The following LRRC34 variants were observed in gnomAD, a reference collection of about 807,000 sequenced individuals.
LRRC34 encodes leucine rich repeat containing 34.
In LRRC34, 44 loss-of-function variants were observed where a neutral mutation model predicts 48.5. The ratio of observed to expected loss-of-function variants is 0.91; its 90% CI spans 0.71 to 1.17. The LOEUF (loss-of-function observed/expected upper bound fraction) is 1.17, where lower values mean the gene tolerates loss of function less well. Among genes scored for constraint, LRRC34 ranks in the 50% most tolerant of loss-of-function variants. The pLI, the probability that LRRC34 is intolerant of heterozygous loss-of-function variation, is 0.00. For synonymous variants in LRRC34, 192 were observed against 197.6 expected, an observed-to-expected ratio of 0.97 and a Z score of 0.24; for missense variants, 502 against 563.0, an observed-to-expected ratio of 0.89 and a Z score of 1.10.
intron 9 of LRRC34, chr3:169,795,975 A>T: frequency 8.2e-7 from 1 of 1,217,730 alleles, no homozygotes; most frequent in Non-Finnish European, 1.0e-6. Flanking sequence ...CAGGATAAGT[A>T]ATATAAGCAA....
intron 1 of LRRC34, among the ~76,000 whole-genome samples, chr3:169,809,202 T>TTA: frequency 7.0e-6 from 1 of 142,878 alleles, no homozygotes; most frequent in East Asian, 1.9e-4. Context: ...AAGGTTTCTT[T>TTA]TTTTTTTTTT....
chr3:169,795,682 A>G, intron 9 of LRRC34, 71 bp from the exon 10 acceptor site: 1 of 1,543,164 alleles, frequency 6.5e-7, no homozygotes, highest in South Asian at 1.2e-5. Flanking sequence ...TTTCTTGTGT[A>G]GTCTTAGCAT....
chr3:169,796,896 C>G lies in LRRC34; in HGVS notation c.757G>C (p.Glu253Gln), dbSNP rs757111685. ...ATGCGGCCTACATGGACTGTAGACTCTTCCTAAAAGTGGATAAAATCTTAT... is the reference window on the plus strand; with the variant it reads ...ATGCGGCCTACATGGACTGTAGACTGTTCCTAAAAGTGGATAAAATCTTAT... ...NRPILYSEQE[E>Q]STVHVGRMLK... The change falls in exon 8 of 11, where the codon GAG becomes CAG. Residue 253 changes from glutamate (E) to glutamine (Q), a missense_variant. Transcript: ENST00000446859. 2 of 1,555,234 alleles carry G rather than the reference C, an allele frequency of 1.3e-6. No homozygotes were observed. Among genetic ancestry groups the G allele is most frequent in the African/African-American group, 2.8e-5 (2 of 72,652 alleles).
In LRRC34 at chr3:169,812,424, A is replaced by G. The variant is rs1006254571; in HGVS notation, c.125T>C (p.Leu42Pro). 8 of 1,528,900 alleles carry G rather than the reference A, an allele frequency of 5.2e-6. No homozygotes were observed. Among genetic ancestry groups the G allele is most frequent in the Non-Finnish European group, 7.0e-6 (8 of 1,144,644 alleles). 94.7% of individuals were successfully genotyped at this position (1,528,900 alleles called of 1,614,324 possible). The change falls in exon 1 of 11, where the codon CTG becomes CCG. Residue 42 changes from leucine (L) to proline (P), a missense_variant. Physicochemically the swap from Leu to Pro is moderately conservative, Grantham distance 98. Coordinates refer to ENST00000446859, the MANE Select transcript of LRRC34 (RefSeq NM_001172779.2). This position sits in a 1 kb window ranked among gnomAD's most constrained non-coding sequence, Gnocchi z 4.3. ...STQASTPGAA[L>P]AVQRESPESG... is the part of the protein sequence containing the mutation. ...CTACTTCTTACCGCGCTGGACCGCC[A>G]GGGCCGCGCCCGGAGTACTGGCCTG...
intron 1 of LRRC34, among the ~76,000 whole-genome samples, chr3:169,809,213 T>C (rs1779481002): frequency 1.3e-5 from 2 of 151,174 alleles, no homozygotes; most frequent in South Asian, 4.2e-4. Flanking sequence ...TTTTTTTTTT[T>C]TTTTTTCAAC....
intron 2 of LRRC34, among the ~76,000 whole-genome samples, 190 bp downstream of exon 2, chr3:169,808,438 T>A (rs562702150): frequency 3.9e-5 from 6 of 152,216 alleles, no homozygotes; most frequent in Admixed American, 3.3e-4. Context: ...TAGTGCTCTT[T>A]CCTGAATACT....
At chr3:169,806,709 ATAAAT>A (rs947634660) in intron 5 of LRRC34, 134 bp downstream of exon 5, 50 of 562,004 alleles carry the variant, frequency 8.9e-5, no homozygotes, top group African/African-American at 7.8e-4. Context: ...CTACACTTGA[ATAAAT>A]TAAAGTATAA....
intron 7 of LRRC34, among the ~76,000 whole-genome samples, chr3:169,798,019 G>A (rs1411024514): frequency 6.6e-6 from 1 of 152,172 alleles, no homozygotes; most frequent in Non-Finnish European, 1.5e-5. Flanking sequence ...CTTTGACACT[G>A]AAAAGATACA....
intron 5 of LRRC34, among the ~76,000 whole-genome samples, chr3:169,804,511 G>A (rs563246411): frequency 1.3e-5 from 2 of 152,202 alleles, no homozygotes; most frequent in Non-Finnish European, 2.9e-5. Context: ...TGTTAGCCAG[G>A]ATGGTCTCGA....
intron 9 of LRRC34, chr3:169,795,916 TTTAA>T (rs1270958610): frequency 4.4e-6 from 5 of 1,140,708 alleles, no homozygotes; most frequent in South Asian, 6.7e-5. Context: ...CATTCTTACT[TTTAA>T]AAGTCTTGAT....
intron 2 of LRRC34, 52 bp downstream of exon 2, chr3:169,808,576 A>C (rs920584845): frequency 2.0e-6 from 2 of 980,880 alleles, no homozygotes; most frequent in African/African-American, 1.6e-5. Context: ...ATTTTCACAC[A>C]CATGAATATA....
At chr3:169,805,878 C>T (rs1214570370) in intron 5 of LRRC34, among the ~76,000 whole-genome samples, 2 of 139,374 alleles carry the variant, frequency 1.4e-5, no homozygotes, top group African/African-American at 5.7e-5. Flanking sequence ...GAGCAAAACT[C>T]CATCTCAAAA....
chr3:169,796,757 A>G lies in LRRC34; in HGVS notation c.896T>C (p.Leu299Pro), dbSNP rs533015571. 1.2e-6 allele frequency: 2 copies of G among 1,605,318 alleles called. No homozygotes were observed. Among genetic ancestry groups the G allele is most frequent in the East Asian group, 4.5e-5 (2 of 44,628 alleles). ...AATTATCACTTACCAGCTGACATCAAGGTAGCGCAGGCTACTGTTCAGATA... is the reference window on the plus strand; with the variant it reads ...AATTATCACTTACCAGCTGACATCAGGGTAGCGCAGGCTACTGTTCAGATA... ...ALYLNSSLRY[L>P]DVSCNKITHD... Residue 299 changes from leucine (L) to proline (P), a missense_variant, in exon 8 of 11, where the codon CTT (leucine) becomes CCT (proline). By Grantham distance (98) the Leu-to-Pro change is moderately conservative (BLOSUM62 -3). Coordinates refer to ENST00000446859, the MANE Select transcript of LRRC34 (RefSeq NM_001172779.2).
chr3:169,811,544 C>G (rs1779567849), intron 1 of LRRC34, among the ~76,000 whole-genome samples: 1 of 152,182 alleles, frequency 6.6e-6, no homozygotes. Flanking sequence ...AATAACCCAG[C>G]TACGCAGGAA....
chr3:169,802,472 A>C (rs947825564), intron 6 of LRRC34, among the ~76,000 whole-genome samples: 1 of 152,132 alleles, frequency 6.6e-6, no homozygotes, highest in Non-Finnish European at 1.5e-5. Context: ...CCCCATTATC[A>C]GAGTACTCAG....
Position 169,796,296 on chromosome 3 carries a change from C to A in LRRC34, c.982G>T (p.Asp328Tyr), listed in dbSNP as rs921027967. The change falls in exon 9 of 11, where the codon GAT becomes TAT. Residue 328 changes from aspartate (D) to tyrosine (Y), a missense_variant. Coordinates refer to ENST00000446859, the MANE Select transcript of LRRC34 (RefSeq NM_001172779.2). ...TTTTCTATTCTGTTAAAGGAAAGAT[C>A]TATTACTTCCAGGGTAGTGTTGCTT... ...LKSNTTLEVIDLSFNRIENAG... is the reference protein window; with the variant it reads ...LKSNTTLEVIYLSFNRIENAG... 20 of 1,612,472 alleles carry A rather than the reference C, an allele frequency of 1.2e-5. No individual in the cohort carries two copies. Among genetic ancestry groups the A allele is most frequent in the Non-Finnish European group, 1.7e-5 (20 of 1,179,412 alleles).
rs1388457755 is a variant in LRRC34, at chr3:169,807,624, G to T, written c.343C>A (p.Leu115Ile). The stretch of plus-strand genomic sequence containing the variant: ...AGACAATTCTTTAAAATTTTGGAAA[G>T]AATCCAAAAATCTTCACCTGTAACT... ...ERVTGEDFWI[L>I]SKILKNCLYI... The change falls in exon 3 of 11, where the codon CTT becomes ATT. Residue 115 changes from leucine to isoleucine, a missense_variant. Coordinates refer to ENST00000446859, the MANE Select transcript of LRRC34 (RefSeq NM_001172779.2). 1.9e-6 allele frequency: 3 copies of T among 1,576,314 alleles called. No homozygotes were observed. Among genetic ancestry groups the T allele is most frequent in the East Asian group, 2.3e-5 (1 of 42,566 alleles).
chr3:169,801,251 A>G (rs1052944169), intron 6 of LRRC34, among the ~76,000 whole-genome samples: 6 of 152,058 alleles, frequency 3.9e-5, no homozygotes, highest in African/African-American at 1.4e-4. Flanking sequence ...CACCATGTAC[A>G]CCCAGCTGGT....
chr3:169,795,730 T>C lies in LRRC34; in HGVS notation c.1065-119A>G, dbSNP rs1280748806. On this transcript the variant is annotated intron_variant, in intron 9 of 10. Transcript: ENST00000446859. ...TGTTGTAATGTAGTGGTAAAAATAC[T>C]GACCATTTAATTCCTAAAATCCAAG... 4.9e-5 allele frequency: 67 copies of C among 1,375,684 alleles called. No homozygotes were observed. In the East Asian group the frequency reaches 1.7e-3, roughly 34 times the overall value. 85.2% of individuals were successfully genotyped at this position (1,375,684 alleles called of 1,614,324 possible).
Sources: allele counts gnomAD v4.1 joint callset (sites outside exome capture counted in the v4.1 genomes callset), GRCh38; gene constraint gnomAD v4.1.1; non-coding constraint Gnocchi (gnomAD v3.1); transcripts MANE v1.5; gene names NCBI Gene and HGNC (gene_info 2026-07-23, HGNC 2026-07-21).